Variants in CLPX observed in about 807,000 individuals in gnomAD.
CLPX encodes the protein ATP-dependent clpX-like chaperone, mitochondrial.
A neutral mutation model predicts 76.4 loss-of-function variants in CLPX; 34 were observed. The observed-to-expected ratio is 0.45, with a 90% CI of 0.34 to 0.59. The LOEUF (loss-of-function observed/expected upper bound fraction) is 0.59, where lower values mean the gene tolerates loss of function less well. Among genes scored for constraint, CLPX ranks in the 20% least tolerant of loss-of-function variants. CLPX has a pLI of 0.01. For synonymous variants in CLPX, 248 were observed against 270.9 expected, an observed-to-expected ratio of 0.92 and a Z score of 0.83; for missense variants, 613 against 757.0, an observed-to-expected ratio of 0.81 and a Z score of 2.23.
At chr15:65,151,222 G>A (rs2087715196) in intron 13 of CLPX, among the ~76,000 whole-genome samples, 1 of 151,510 alleles carries the variant, frequency 6.6e-6, no homozygotes, top group African/African-American at 2.4e-5. Context: ...GCACACACCT[G>A]TAGTCCCAGC....
rs374002701 is a variant in CLPX at position 65,185,109 on chromosome 15, C to G, written c.45G>C (p.Arg15=). ...GACTCGAAAV[R]LITSSLASAQ... is the part of the protein sequence containing the mutation. ...CGGAGGCGAGTGAGGAGGTGATGAG[C>G]CGGACGGCCGCCGCGCCGCAAGTAC... The change falls in exon 1 of 14, where the codon CGG becomes CGC. Residue 15 remains arginine, a synonymous_variant. Transcript: ENST00000300107. 5 of 1,583,716 alleles carry G rather than the reference C, an allele frequency of 3.2e-6. No homozygotes were observed. Among genetic ancestry groups the G allele is most frequent in the East Asian group, 2.3e-5 (1 of 43,704 alleles).
intron 3 of CLPX, among the ~76,000 whole-genome samples, chr15:65,174,700 C>T (rs2088064239): frequency 6.6e-6 from 1 of 152,232 alleles, no homozygotes; most frequent in Non-Finnish European, 1.5e-5. Context: ...GAGACTAGTT[C>T]TAGGACCACC....
chr15:65,159,468 G>T (rs150027761), intron 6 of CLPX, among the ~76,000 whole-genome samples: 12 of 152,294 alleles, frequency 7.9e-5, no homozygotes, highest in Admixed American at 3.3e-4. Context: ...AAATTAGCCA[G>T]ATGTGATGGC....
At position 65,160,623 on chromosome 15, in the gene CLPX, T is replaced by TCTCTCTCTCTCACACA. The variant is rs1219208926; in HGVS notation, c.716-1873_716-1872insTGTGTGAGAGAGAGAG. ...CTCTCTCTCTCTCTCTCTCTCTCTCTCACACACACACACACACACACACAC... is the reference window on the plus strand; with the variant it reads ...CTCTCTCTCTCTCTCTCTCTCTCTCTCTCTCTCTCTCACACACACACACACACACACACACACACAC... On this transcript the variant is annotated intron_variant, in intron 6 of 13. Transcript: ENST00000300107. Among the ~76,000 whole-genome samples, 19 of 101,028 alleles carry TCTCTCTCTCTCACACA rather than the reference T, an allele frequency of 1.9e-4. No homozygotes were observed. The East Asian group carries it at 2.4e-3, about 13-fold the overall frequency. 66.3% of individuals were successfully genotyped at this position (101,028 alleles called of 152,430 possible).
intron 3 of CLPX, among the ~76,000 whole-genome samples, chr15:65,172,047 G>A (rs924736401): frequency 5.3e-5 from 8 of 152,176 alleles, no homozygotes; most frequent in African/African-American, 1.9e-4. Flanking sequence ...CCAGGCTGGA[G>A]TGCAATGGCG....
chr15:65,172,992 G>A (rs2088032031), intron 3 of CLPX, among the ~76,000 whole-genome samples: 1 of 152,170 alleles, frequency 6.6e-6, no homozygotes, highest in Non-Finnish European at 1.5e-5. Flanking sequence ...CGTAGCCTGG[G>A]CGACAGAGCA....
At chr15:65,160,764 A>G (rs1881821435) in intron 6 of CLPX, among the ~76,000 whole-genome samples, 1 of 152,238 alleles carries the variant, frequency 6.6e-6, no homozygotes. Context: ...TAAAAAAGAA[A>G]TAATTTAAAT....
Position 65,148,908 on chromosome 15 carries a change from C to G in CLPX, c.*1915G>C, listed in dbSNP as rs1431179856. On this transcript the variant is annotated 3_prime_UTR_variant, in exon 14 of 14. Coordinates refer to ENST00000300107, the MANE Select transcript of CLPX (RefSeq NM_006660.5). ...TTAAATGATACAATTTTCATTAAGACCCCAAATATCCCACCACTTTTTAGC... is the reference window on the plus strand; with the variant it reads ...TTAAATGATACAATTTTCATTAAGAGCCCAAATATCCCACCACTTTTTAGC... 6.6e-6 allele frequency: 1 copy of G among 152,160 alleles called. No homozygotes were observed. Among genetic ancestry groups the G allele is most frequent in the Non-Finnish European group, 1.5e-5 (1 of 68,022 alleles). 9.4% of individuals were successfully genotyped at this position (152,160 alleles called of 1,614,324 possible).
At chr15:65,156,821 G>A in intron 9 of CLPX, 23 bp downstream of exon 9, 1 of 1,540,306 alleles carries the variant, frequency 6.5e-7, no homozygotes, top group Non-Finnish European at 9.0e-7. Context: ...TAGTGGGCTT[G>A]AACAAAATAC....
chr15:65,158,134 G>A (rs2087812581), intron 7 of CLPX: 1 of 403,486 alleles, frequency 2.5e-6, no homozygotes, highest in South Asian at 3.9e-5. Flanking sequence ...CTGGGCTTAA[G>A]TGATCCTCCT....
chr15:65,159,856 AG>A lies in CLPX; in HGVS notation c.716-1106del, dbSNP rs753879778. Among the ~76,000 whole-genome samples the A allele has an allele frequency of 6.2e-4, 91 of 147,214 alleles. No homozygotes were observed. The Middle Eastern group carries it at 0.03, about 48-fold the overall frequency. ...GAGACAGAGTCTCTCTCTGTTGTCC[AG>A]GCTGGAGTGCAGTGGTGCAATCTCA... On this transcript the variant is annotated intron_variant, in intron 6 of 13. Transcript: ENST00000300107.
chr15:65,169,734 G>A (rs2945608), intron 3 of CLPX, among the ~76,000 whole-genome samples: 3 of 151,772 alleles, frequency 2.0e-5, no homozygotes, highest in African/African-American at 7.3e-5. Context: ...ATGGTTATAG[G>A]ATGTAGATAT....
chr15:65,160,805 T>C (rs2087847579), intron 6 of CLPX, among the ~76,000 whole-genome samples: 1 of 152,262 alleles, frequency 6.6e-6, no homozygotes, highest in South Asian at 2.1e-4. Flanking sequence ...TCCCATTTTA[T>C]GAGTATATGC....
At chr15:65,183,141 G>T (rs1046701992) in intron 1 of CLPX, among the ~76,000 whole-genome samples, 1 of 149,346 alleles carries the variant, frequency 6.7e-6, no homozygotes, top group Non-Finnish European at 1.5e-5. Flanking sequence ...TCCAGCCCGG[G>T]CAACTTAGCA....
At chr15:65,150,970 C>T in intron 13 of CLPX, 57 bp from the exon 14 acceptor site, 1 of 1,246,430 alleles carries the variant, frequency 8.0e-7, no homozygotes, top group South Asian at 1.3e-5. Context: ...TAAACATGAT[C>T]TTTAAAATCA....
In CLPX at chr15:65,185,160, G is replaced by T; in HGVS notation, c.-7C>A. 1 of 1,560,626 alleles carries T rather than the reference G, an allele frequency of 6.4e-7. No individual in the cohort carries two copies. Among genetic ancestry groups the T allele is most frequent in the South Asian group, 1.2e-5 (1 of 84,662 alleles). The stretch of plus-strand genomic sequence containing the variant: ...AAGCACCGCAGCTGGGCATCTCCGC[G>T]AGGCCTAGGCCGGGGCTTCGCCCCC... On this transcript the variant is annotated 5_prime_UTR_variant, in exon 1 of 14. Coordinates refer to ENST00000300107, the MANE Select transcript of CLPX (RefSeq NM_006660.5).
intron 6 of CLPX, among the ~76,000 whole-genome samples, chr15:65,160,293 A>AT (rs145416024): frequency 2.2e-3 from 329 of 152,320 alleles, no homozygotes; most frequent in African/African-American, 7.7e-3. Context: ...ATCAAAAACA[A>AT]TAAGCATTCC....
At chr15:65,168,240 T>G (rs867977965) in intron 3 of CLPX, among the ~76,000 whole-genome samples, 2 of 150,410 alleles carry the variant, frequency 1.3e-5, no homozygotes, top group African/African-American at 4.9e-5. Context: ...AAAAATTAGC[T>G]GGGTGTGGTG....
At chr15:65,178,148 C>CAAAGGA (rs2088114093) in intron 3 of CLPX, among the ~76,000 whole-genome samples, 1 of 152,028 alleles carries the variant, frequency 6.6e-6, no homozygotes. Flanking sequence ...AGATGCTTCC[C>CAAAGGA]GGAATTGAGG....
Sources: allele counts gnomAD v4.1 joint callset (sites outside exome capture counted in the v4.1 genomes callset), GRCh38; gene constraint gnomAD v4.1.1; transcripts MANE v1.5; gene names NCBI Gene and HGNC (gene_info 2026-07-23, HGNC 2026-07-21).